Variants in ADCY8 observed in about 807,000 individuals in gnomAD.
ADCY8 encodes the protein adenylate cyclase type 8.
A neutral mutation model predicts 119.7 loss-of-function variants in ADCY8; 51 were observed. The observed-to-expected ratio is 0.43, with a 90% CI of 0.34 to 0.54. The LOEUF (loss-of-function observed/expected upper bound fraction) is 0.54. Among genes scored for constraint, ADCY8 ranks in the 20% least tolerant of loss-of-function variants. ADCY8 has a pLI of 0.03. For synonymous variants in ADCY8, 665 were observed against 651.0 expected, an observed-to-expected ratio of 1.02 and a Z score of -0.33; for missense variants, 1,383 against 1,598.8, an observed-to-expected ratio of 0.87 and a Z score of 2.30.
chr8:130,995,462 A>G (rs1325724153), intron 1 of ADCY8, among the ~76,000 whole-genome samples: 1 of 152,196 alleles, frequency 6.6e-6, no homozygotes, highest in Non-Finnish European at 1.5e-5. Flanking sequence ...ATAATATAAT[A>G]CATTGTTAAA....
intron 7 of ADCY8, among the ~76,000 whole-genome samples, chr8:130,901,941 A>G (rs189825545): frequency 1.3e-5 from 2 of 152,300 alleles, no homozygotes; most frequent in East Asian, 3.9e-4. Flanking sequence ...ATCTTTAGGA[A>G]ATCAGCAAAT....
At chr8:131,016,266 G>A (rs1823472514) in intron 1 of ADCY8, among the ~76,000 whole-genome samples, 1 of 152,148 alleles carries the variant, frequency 6.6e-6, no homozygotes, top group Non-Finnish European at 1.5e-5. Flanking sequence ...GCTCACACTT[G>A]CAATCCCAGC....
At position 131,010,080 on chromosome 8, in the gene ADCY8, C is replaced by T. The variant is rs116845906; in HGVS notation, c.961-19538G>A. Reference sequence around the variant, plus strand: ...AAGAAAGACAGCTTAGATAGCTCACCTAACTTGCCCAAGAATTACATATTT... The same window carrying T: ...AAGAAAGACAGCTTAGATAGCTCACTTAACTTGCCCAAGAATTACATATTT... On this transcript the variant is annotated intron_variant, in intron 1 of 17. Transcript: ENST00000286355. Among the ~76,000 whole-genome samples, 210 of 152,332 alleles carry T rather than the reference C, an allele frequency of 1.4e-3. 3 individuals carry two copies. In the East Asian group the frequency reaches 0.037, roughly 27 times the overall value.
intron 11 of ADCY8, among the ~76,000 whole-genome samples, chr8:130,845,876 G>T (rs1347868784): frequency 6.6e-6 from 1 of 152,118 alleles, no homozygotes; most frequent in Non-Finnish European, 1.5e-5. Flanking sequence ...AGAAGGGAGG[G>T]AAAGAAGTGA....
intron 7 of ADCY8, among the ~76,000 whole-genome samples, chr8:130,893,079 T>A (rs946995323): frequency 6.6e-6 from 1 of 152,188 alleles, no homozygotes; most frequent in Non-Finnish European, 1.5e-5. Context: ...CACACTTGGG[T>A]CATTTTTATA....
At chr8:130,901,246 T>TTA (rs1554614398) in intron 7 of ADCY8, among the ~76,000 whole-genome samples, 1 of 145,464 alleles carries the variant, frequency 6.9e-6, no homozygotes, top group African/African-American at 2.7e-5. Context: ...CCTCCTCTTT[T>TTA]TTTTTTTTTT....
chr8:131,012,697 T>C (rs1463543619), intron 1 of ADCY8, among the ~76,000 whole-genome samples: 4 of 152,160 alleles, frequency 2.6e-5, no homozygotes, highest in Non-Finnish European at 5.9e-5. Context: ...GCTCCAAAAC[T>C]GATCAACATG....
At position 131,039,849 on chromosome 8, in the gene ADCY8, T is replaced by A; in HGVS notation, c.485A>T (p.Lys162Ile). The change falls in exon 1 of 18, where the codon AAA becomes ATA. Residue 162 changes from lysine to isoleucine, a missense_variant. Transcript: ENST00000286355. ...GTAGAGGCGTTCCAAATCCCGAGAT[T>A]TGAAGGAGTTGCGCAGGGTGGGGAA... ...VIFPTLRNSFKSRDLERLYQR... is the reference protein window; with the variant it reads ...VIFPTLRNSFISRDLERLYQR... 6.2e-7 allele frequency: 1 copy of A among 1,613,998 alleles called. No homozygotes were observed. The highest frequency in any genetic ancestry group is 1.7e-5 in the Admixed American group (1 of 60,018).
At chr8:131,019,376 T>C (rs1475258811) in intron 1 of ADCY8, among the ~76,000 whole-genome samples, 1 of 152,230 alleles carries the variant, frequency 6.6e-6, no homozygotes, top group African/African-American at 2.4e-5. Flanking sequence ...AAGAACATCA[T>C]TCTGGCACAG....
chr8:131,005,527 T>A (rs1278222682), intron 1 of ADCY8, among the ~76,000 whole-genome samples: 1 of 152,190 alleles, frequency 6.6e-6, no homozygotes, highest in East Asian at 1.9e-4. Context: ...TCCTTTGGCC[T>A]CTAAAAAACT....
In ADCY8 at chr8:130,942,067, T is replaced by C. The variant is rs11992291; in HGVS notation, c.1353+1284A>G. Among the ~76,000 whole-genome samples, 359 of 152,306 alleles carry C rather than the reference T, an allele frequency of 2.4e-3. 2 individuals are homozygous for C. Among genetic ancestry groups the C allele is most frequent in the African/African-American group, 8.1e-3 (337 of 41,562 alleles). On this transcript the variant is annotated intron_variant, in intron 4 of 17. Transcript: ENST00000286355. ...CCACCCCATGCTCCATTGCTATCCA[T>C]ATGCTTACTCCATTCCCAGCCCTCC...
At chr8:131,002,958 T>C (rs1822998010) in intron 1 of ADCY8, among the ~76,000 whole-genome samples, 2 of 152,166 alleles carry the variant, frequency 1.3e-5, no homozygotes, top group African/African-American at 4.8e-5. Context: ...CCCAGCACTT[T>C]GGATGGCCAA....
rs202194182 is a variant in ADCY8 at position 130,916,015 on chromosome 8, T to G, written c.1482-6149A>C. On this transcript the variant is annotated intron_variant, in intron 5 of 17. Transcript: ENST00000286355. ...TACGTTCATTGCCCAGGGCGTTTTG[T>G]GCAGCTATGGAATCATCTTCATAAC... Among the ~76,000 whole-genome samples the G allele has an allele frequency of 1.5e-3, 227 of 152,304 alleles. 1 individual carries two copies. The highest frequency in any genetic ancestry group is 3.5e-3 in the South Asian group (17 of 4,824).
intron 11 of ADCY8, among the ~76,000 whole-genome samples, chr8:130,846,440 T>C (rs1027267586): frequency 3.3e-5 from 5 of 152,134 alleles, no homozygotes; most frequent in Non-Finnish European, 7.4e-5. Context: ...CTTCTGGCAC[T>C]CTTTGTATCA....
chr8:130,979,030 C>A (rs139490618), intron 2 of ADCY8, among the ~76,000 whole-genome samples: 1 of 151,972 alleles, frequency 6.6e-6, no homozygotes, highest in Admixed American at 6.6e-5. Flanking sequence ...CTGGTTGGGG[C>A]GGAAGACAGT....
intron 12 of ADCY8, among the ~76,000 whole-genome samples, chr8:130,835,531 G>A (rs569044372): frequency 1.2e-3 from 178 of 152,214 alleles, no homozygotes; most frequent in African/African-American, 4.0e-3. Context: ...CACTGCCTTG[G>A]GGTTTCATTA....
chr8:130,790,252 A>T (rs1563665150), intron 15 of ADCY8, among the ~76,000 whole-genome samples: 2 of 152,178 alleles, frequency 1.3e-5, no homozygotes, highest in African/African-American at 4.8e-5. Flanking sequence ...GCACATTTCA[A>T]TTCCCATTCT....
At chr8:130,843,203 T>G (rs1385336640) in intron 11 of ADCY8, among the ~76,000 whole-genome samples, 3 of 152,190 alleles carry the variant, frequency 2.0e-5, no homozygotes, top group African/African-American at 7.2e-5. Flanking sequence ...GAAGCAAGAC[T>G]TTTCTGAATA....
intron 6 of ADCY8, among the ~76,000 whole-genome samples, chr8:130,906,853 C>T (rs1819801973): frequency 6.6e-6 from 1 of 151,358 alleles, no homozygotes; most frequent in African/African-American, 2.4e-5. Context: ...TGGATTATCT[C>T]ATATAATTTC....
Sources: allele counts gnomAD v4.1 joint callset (sites outside exome capture counted in the v4.1 genomes callset), GRCh38; gene constraint gnomAD v4.1.1; transcripts MANE v1.5; gene names NCBI Gene and HGNC (gene_info 2026-07-23, HGNC 2026-07-21).